The following MORC1 variants were observed in gnomAD, a reference collection of about 807,000 sequenced individuals.
The protein encoded by MORC1 is MORC family CW-type zinc finger 1, also known as MORC family CW-type zinc finger protein 1.
MORC1 carries 59 observed loss-of-function variants against 134.9 expected under a neutral mutation model. The observed-to-expected ratio is 0.44, with a 90% confidence interval of 0.35 to 0.54. The LOEUF (loss-of-function observed/expected upper bound fraction) is 0.54, where lower values mean the gene tolerates loss of function less well. Ranked by LOEUF, MORC1 falls within the 20% of genes least tolerant of loss-of-function variation. The pLI is 0.00. For missense variants in MORC1, 947 were observed against 1,134.5 expected (o/e 0.83, Z 2.37); for synonymous variants, 395 against 391.7 (o/e 1.01, Z -0.10).
intron 8 of MORC1, among the ~76,000 whole-genome samples, chr3:109,072,561 C>A (rs1449801544): frequency 6.6e-6 from 1 of 152,218 alleles, no homozygotes; most frequent in Non-Finnish European, 1.5e-5. Context: ...AAATGACAAT[C>A]ATTCAGGACT....
chr3:109,114,492 A>G, intron 1 of MORC1, 55 bp from the exon 2 acceptor site: 1 of 1,480,768 alleles, frequency 6.8e-7, no homozygotes, highest in Non-Finnish European at 9.4e-7. Flanking sequence ...TAATCAATGT[A>G]AAAGCTTTAA....
chr3:109,094,087 A>G (rs1189379892), intron 7 of MORC1, among the ~76,000 whole-genome samples: 2 of 152,196 alleles, frequency 1.3e-5, no homozygotes, highest in African/African-American at 4.8e-5. Flanking sequence ...CCACTGAAGC[A>G]TGAAAGCAGC....
At chr3:109,004,734 A>T (rs1357817650) in intron 20 of MORC1, 83 bp downstream of exon 20, 1 of 1,315,290 alleles carries the variant, frequency 7.6e-7, no homozygotes, top group Non-Finnish European at 1.1e-6. Flanking sequence ...CCTATAAAGC[A>T]TTGAATGCAA....
intron 18 of MORC1, among the ~76,000 whole-genome samples, chr3:109,005,714 G>C (rs994341922): frequency 6.6e-6 from 1 of 152,176 alleles, no homozygotes; most frequent in Admixed American, 6.5e-5. Context: ...AATGAAAGAT[G>C]TATTTGCTAA....
At chr3:108,967,699 GATGAA>G (rs1947260881) in intron 26 of MORC1, among the ~76,000 whole-genome samples, 1 of 152,144 alleles carries the variant, frequency 6.6e-6, no homozygotes, top group Non-Finnish European at 1.5e-5. Flanking sequence ...ATGAGACTAA[GATGAA>G]ATAGCCAGGT....
intron 7 of MORC1, 141 bp from the exon 8 acceptor site, chr3:109,093,682 C>A: frequency 1.6e-6 from 1 of 626,414 alleles, no homozygotes; most frequent in South Asian, 2.2e-5. Flanking sequence ...TTGGCTAACT[C>A]TTTGGCTAAG....
At chr3:109,056,812 G>T (rs183103468) in intron 13 of MORC1, among the ~76,000 whole-genome samples, 1 of 152,144 alleles carries the variant, frequency 6.6e-6, no homozygotes, top group Non-Finnish European at 1.5e-5. Context: ...TTTTCTGTGC[G>T]TCTCTTCAGG....
At position 109,000,616 on chromosome 3, in the gene MORC1, C is replaced by T. The variant is rs776526535; in HGVS notation, c.2128G>A (p.Val710Ile). ...TCAGTCAATACCTTACATTCCTCTACAAAGTTCAGACTCTGCTTCCTTTTC... is the reference window on the plus strand; with the variant it reads ...TCAGTCAATACCTTACATTCCTCTATAAAGTTCAGACTCTGCTTCCTTTTC... The part of the protein sequence containing the change: ...EMKRKQSLNF[V>I]EECKVLTEDE... Residue 710 changes from valine to isoleucine, a missense_variant, in exon 21 of 28, where the codon GTA (valine) becomes ATA (isoleucine). Physicochemically the swap from Val to Ile is conservative, Grantham distance 29. Coordinates refer to ENST00000232603, the MANE Select transcript of MORC1 (RefSeq NM_014429.4). 2 of 1,611,744 alleles carry T rather than the reference C, an allele frequency of 1.2e-6. No individual in the cohort carries two copies. Among genetic ancestry groups the T allele is most frequent in the South Asian group, 1.1e-5 (1 of 90,664 alleles).
intron 8 of MORC1, among the ~76,000 whole-genome samples, chr3:109,084,706 A>T (rs1950584730): frequency 6.6e-6 from 1 of 152,076 alleles, no homozygotes; most frequent in Admixed American, 6.6e-5. Flanking sequence ...ATCCTGATCA[A>T]AAAAAACCAA....
chr3:108,958,412 G>C lies in MORC1; in HGVS notation c.*553C>G, dbSNP rs980769796. The C allele has an allele frequency of 2.6e-5, 4 of 151,842 alleles. No individual in the cohort carries two copies. Among genetic ancestry groups the C allele is most frequent in the Non-Finnish European group, 5.9e-5 (4 of 67,922 alleles). The allele number at this position is 151,842 out of a possible 1,614,324, so 9.4% of individuals were successfully genotyped here. ...ATATGTATACATATTATGCTTAGGA[G>C]ATTTATTCTTTTACTATGACTAAAT... is the stretch of plus-strand genomic sequence containing the variant. On this transcript the variant is annotated 3_prime_UTR_variant, in exon 28 of 28. Transcript: ENST00000232603.
intron 17 of MORC1, among the ~76,000 whole-genome samples, chr3:109,022,896 C>T (rs1345424597): frequency 6.6e-6 from 1 of 152,066 alleles, no homozygotes; most frequent in Non-Finnish European, 1.5e-5. Context: ...ATATGGCAGA[C>T]AGATGAGACA....
At chr3:108,959,205 C>G in intron 27 of MORC1, 85 bp from the exon 28 acceptor site, 2 of 1,188,062 alleles carry the variant, frequency 1.7e-6, no homozygotes, top group East Asian at 5.6e-5. Flanking sequence ...AACAGTCTTC[C>G]CTATGACTCA....
At chr3:109,025,527 G>A (rs1404938584) in intron 17 of MORC1, among the ~76,000 whole-genome samples, 2 of 151,576 alleles carry the variant, frequency 1.3e-5, no homozygotes, top group Non-Finnish European at 2.9e-5. Context: ...GATTACAGGC[G>A]TGAGCCACCA....
chr3:108,992,831 C>G (rs1044891805), intron 21 of MORC1, among the ~76,000 whole-genome samples: 10 of 152,154 alleles, frequency 6.6e-5, no homozygotes, highest in African/African-American at 2.4e-4. Flanking sequence ...TCTTTAAGCT[C>G]TCTTTTTCCA....
chr3:109,093,369 G>T, intron 8 of MORC1, 67 bp downstream of exon 8: 2 of 1,200,244 alleles, frequency 1.7e-6, no homozygotes, highest in Non-Finnish European at 2.5e-6. Context: ...CCTGGAGCCA[G>T]GATGCAGGGC....
At chr3:109,078,666 G>C (rs577507110) in intron 8 of MORC1, among the ~76,000 whole-genome samples, 1 of 151,564 alleles carries the variant, frequency 6.6e-6, no homozygotes, top group East Asian at 1.9e-4. Context: ...ATCCAAAAAA[G>C]ATATAAGAAA....
rs778091575 is a variant in MORC1 at position 109,027,206 on chromosome 3, A to G, written c.1704+545T>C. On this transcript the variant is annotated intron_variant, in intron 17 of 27. Transcript: ENST00000232603. ...AATTATTAGTCAAGAAAATAAAATA[A>G]TTTTTCTACATGCCACATTTTCTTA... 4.5e-4 allele frequency among the ~76,000 whole-genome samples: 69 copies of G among 152,160 alleles called. 1 individual carries two copies. The highest frequency in any genetic ancestry group is 2.6e-4 in the Non-Finnish European group (18 of 68,036).
intron 17 of MORC1, among the ~76,000 whole-genome samples, chr3:109,023,938 C>T (rs13075898): frequency 0.054 from 8,188 of 152,232 alleles, 515 homozygotes; most frequent in African/African-American, 0.15. Context: ...AAACAGATTA[C>T]TTATTCATCT....
intron 17 of MORC1, among the ~76,000 whole-genome samples, chr3:109,024,533 CT>C (rs1282910139): frequency 2.0e-5 from 3 of 152,148 alleles, no homozygotes; most frequent in African/African-American, 7.2e-5. Flanking sequence ...CCTGGTCAAC[CT>C]TTCATTTTCC....
Sources: allele counts gnomAD v4.1 joint callset (sites outside exome capture counted in the v4.1 genomes callset), GRCh38; gene constraint gnomAD v4.1.1; transcripts MANE v1.5; gene names NCBI Gene and HGNC (gene_info 2026-07-23, HGNC 2026-07-21).